Variants in NOC3L observed in about 807,000 individuals in gnomAD.
The protein encoded by NOC3L is NOC3 like DNA replication regulator.
In NOC3L, 85 loss-of-function variants were observed where a neutral mutation model predicts 102.5. That is an observed-to-expected ratio of 0.83 (90% CI 0.70 to 0.99). NOC3L has a LOEUF of 0.99. Ranked by LOEUF, NOC3L falls within the 50% of genes least tolerant of loss-of-function variation. The pLI is 0.00. For missense variants in NOC3L, 878 were observed against 914.9 expected (o/e 0.96, Z 0.52); for synonymous variants, 303 against 309.4 (o/e 0.98, Z 0.22).
chr10:94,357,347 A>T lies in NOC3L; in HGVS notation c.351-16T>A, dbSNP rs986448802. 1.3e-6 allele frequency: 2 copies of T among 1,550,492 alleles called. No homozygotes were observed. Among genetic ancestry groups the T allele is most frequent in the African/African-American group, 2.8e-5 (2 of 71,818 alleles). On this transcript the variant is annotated splice_polypyrimidine_tract_variant and intron_variant, in intron 3 of 20. Coordinates refer to ENST00000371361, the MANE Select transcript of NOC3L (RefSeq NM_022451.11). Reference sequence around the variant, plus strand: ...AACAGGCTCACTGCAGGGGAAAAAAAGATCAATTTTCAGTCTTAATAGATC... The same window carrying T: ...AACAGGCTCACTGCAGGGGAAAAAATGATCAATTTTCAGTCTTAATAGATC...
Position 94,334,115 on chromosome 10 carries a change from T to A in NOC3L, c.*62A>T. 1.3e-6 allele frequency: 1 copy of A among 751,068 alleles called. No homozygotes were observed. The highest frequency in any genetic ancestry group is 1.7e-5 in the South Asian group (1 of 57,816). 46.5% of individuals were successfully genotyped at this position (751,068 alleles called of 1,614,324 possible). Reference sequence around the variant, plus strand: ...AAAGAAAAGATCCTAAGTTAACAACTCATCTTTATGTACATCTGCACACAC... The same window carrying A: ...AAAGAAAAGATCCTAAGTTAACAACACATCTTTATGTACATCTGCACACAC... On this transcript the variant is annotated 3_prime_UTR_variant, in exon 21 of 21. Transcript: ENST00000371361.
At chr10:94,337,143 G>C (rs990366879) in intron 19 of NOC3L, among the ~76,000 whole-genome samples, 3 of 151,908 alleles carry the variant, frequency 2.0e-5, no homozygotes, top group Non-Finnish European at 4.4e-5. Context: ...AAACAGTTCA[G>C]GGAAAAGAAG....
At chr10:94,320,598 G>A in the NOC3L span, among the ~76,000 whole-genome samples, 2 of 152,202 alleles carry the variant, frequency 1.3e-5, no homozygotes, top group African/African-American at 4.8e-5. Context: ...AGCCTGGTCT[G>A]GAGAGATGAG....
At chr10:94,324,150 C>T in the NOC3L span, among the ~76,000 whole-genome samples, 34 of 152,162 alleles carry the variant, frequency 2.2e-4, no homozygotes, top group African/African-American at 7.5e-4. Flanking sequence ...TAGACTGTTG[C>T]AAAGCTAAAT....
At chr10:94,316,784 A>G in the NOC3L span, 1 of 1,509,266 alleles carries the variant, frequency 6.6e-7, no homozygotes, top group Non-Finnish European at 9.2e-7. Flanking sequence ...CAGCCTACAC[A>G]GTAACGACTC....
chr10:94,319,861 GC>G, the NOC3L span, among the ~76,000 whole-genome samples: 1 of 87,572 alleles, frequency 1.1e-5, no homozygotes, highest in African/African-American at 4.0e-5. Context: ...GCTCAAAGGT[GC>G]TCTTTTTTTT....
At chr10:94,354,730 G>A (rs1009637813) in intron 6 of NOC3L, among the ~76,000 whole-genome samples, 6 of 152,088 alleles carry the variant, frequency 3.9e-5, no homozygotes, top group Admixed American at 6.5e-5. Context: ...ATATGAAGAT[G>A]AGGAGAATAA....
Position 94,346,460 on chromosome 10 carries a change from C to A in NOC3L, c.1354G>T (p.Glu452Ter). 1.3e-6 allele frequency: 2 copies of A among 1,513,170 alleles called. No individual in the cohort carries two copies. Among genetic ancestry groups the A allele is most frequent in the South Asian group, 2.6e-5 (2 of 78,286 alleles). 93.7% of individuals were successfully genotyped at this position (1,513,170 alleles called of 1,614,324 possible). A position where few individuals can be genotyped will look rare whatever the true frequency, so the allele number is the denominator to read the frequency against. The change falls in exon 11 of 21, where the codon GAA (glutamate) becomes TAA (stop). Residue 452 changes from glutamate to a stop codon, truncating the protein, a stop_gained. Transcript: ENST00000371361. LOFTEE classifies it high-confidence loss of function. ...ATTCTTGATAGAGATTTTCTCTTTT[C>A]TTTGAAAGTCATAAATTTTTTTGGT... Reference protein sequence around the residue: ...NKPKKFMTFKEKRKSLSRMQR... With the variant: ...NKPKKFMTFK
intron 7 of NOC3L, 150 bp downstream of exon 7, chr10:94,352,746 C>T (rs2054434876): frequency 9.1e-6 from 6 of 659,906 alleles, no homozygotes; most frequent in East Asian, 2.8e-5. Context: ...CACTTGAACC[C>T]GGAAGGCAGA....
chr10:94,358,086 GAAGA>G lies in NOC3L; in HGVS notation c.343_346del (p.Ser115LeufsTer16). The stretch of plus-strand genomic sequence containing the variant: ...TATAACCCAAATGAAGTATTACCTA[GAAGA>G]AAGATCTCTTGTTAGAAAAGATACT... On this transcript the variant is annotated frameshift_variant, in exon 3 of 21. Transcript: ENST00000371361. LOFTEE classifies it high-confidence loss of function. 6.3e-7 allele frequency: 1 copy of G among 1,578,088 alleles called. No homozygotes were observed. The highest frequency in any genetic ancestry group is 1.3e-5 in the African/African-American group (1 of 74,204).
At chr10:94,344,992 G>T in intron 11 of NOC3L, 59 bp from the exon 12 acceptor site, 2 of 1,199,074 alleles carry the variant, frequency 1.7e-6, no homozygotes, top group South Asian at 1.4e-5. Context: ...GAAAAAAGCA[G>T]AGGCAGAATA....
At chr10:94,319,126 A>C in the NOC3L span, among the ~76,000 whole-genome samples, 1 of 152,188 alleles carries the variant, frequency 6.6e-6, no homozygotes, top group Non-Finnish European at 1.5e-5. Flanking sequence ...AAAGGAAGGC[A>C]TTTTGAAGAA....
the NOC3L span, chr10:94,327,911 G>GTGTT: frequency 2.8e-4 from 141 of 505,376 alleles, no homozygotes; most frequent in African/African-American, 2.7e-3. Flanking sequence ...TATACCGCAA[G>GTGTT]TGTTTCTGTT....
At position 94,346,447 on chromosome 10, in the gene NOC3L, G is replaced by C. The variant is rs757516709; in HGVS notation, c.1367C>G (p.Ser456Cys). 2 of 1,507,104 alleles carry C rather than the reference G, an allele frequency of 1.3e-6. No homozygotes were observed. The highest frequency in any genetic ancestry group is 2.3e-5 in the Admixed American group (1 of 42,664). 93.4% of individuals were successfully genotyped at this position (1,507,104 alleles called of 1,614,324 possible). The change falls in exon 11 of 21, where the codon TCT becomes TGT. Residue 456 changes from serine (S) to cysteine (C), a missense_variant. By Grantham distance (112) the Ser-to-Cys change is moderately radical. Transcript: ENST00000371361. Reference protein sequence around the residue: ...KFMTFKEKRKSLSRMQRKWKK... With the variant: ...KFMTFKEKRKCLSRMQRKWKK... ...AACCTTTCTCTGCATTCTTGATAGA[G>C]ATTTTCTCTTTTCTTTGAAAGTCAT...
At chr10:94,357,027 C>T in intron 4 of NOC3L, 147 bp downstream of exon 4, 1 of 544,228 alleles carries the variant, frequency 1.8e-6, no homozygotes, top group Non-Finnish European at 3.0e-6. Context: ...TAATTCTGGC[C>T]CAAATCATCA....
Position 94,346,499 on chromosome 10 carries a change from C to A in NOC3L, c.1315G>T (p.Glu439Ter). Residue 439 changes from glutamate to a stop codon, truncating the protein, a stop_gained, in exon 11 of 21, where the codon GAA (glutamate) becomes TAA (stop). Coordinates refer to ENST00000371361, the MANE Select transcript of NOC3L (RefSeq NM_022451.11). LOFTEE classifies it high-confidence loss of function. Reference sequence around the variant, plus strand: ...AATTTTTTTGGTTTATTAATGTCTTCTGTATCTTTTTTCACTTCTACTTCC... The same window carrying A: ...AATTTTTTTGGTTTATTAATGTCTTATGTATCTTTTTTCACTTCTACTTCC... ...IKEVEVKKDTEDINKPKKFMT... is the reference protein window; with the variant it reads ...IKEVEVKKDT 1 of 1,482,464 alleles carries A rather than the reference C, an allele frequency of 6.7e-7. No individual in the cohort carries two copies. Among genetic ancestry groups the A allele is most frequent in the Non-Finnish European group, 9.1e-7 (1 of 1,101,024 alleles). The allele number at this position is 1,482,464 out of a possible 1,614,324, so 91.8% of individuals were successfully genotyped here.
intron 16 of NOC3L, 54 bp downstream of exon 16, chr10:94,340,222 C>T (rs1488353905): frequency 1.4e-6 from 2 of 1,437,278 alleles, no homozygotes; most frequent in African/African-American, 2.9e-5. Context: ...TGGGTCATAA[C>T]ATATTCTTAA....
rs372892321 is a variant in NOC3L, at chr10:94,349,539, C to T, written c.1129-161G>A. ...GCCAGTAGTTAAGACTCTATCGCCA[C>T]CACAGTCATCACAATCAAAAATGTA... On this transcript the variant is annotated intron_variant, in intron 9 of 20. Transcript: ENST00000371361. Among the ~76,000 whole-genome samples, 19 of 152,250 alleles carry T rather than the reference C, an allele frequency of 1.2e-4. 2 individuals carry two copies. The South Asian group carries it at 3.1e-3, about 25-fold the overall frequency.
chr10:94,361,578 C>A, intron 2 of NOC3L, 87 bp downstream of exon 2: 1 of 1,283,208 alleles, frequency 7.8e-7, no homozygotes, highest in Non-Finnish European at 1.1e-6. Context: ...ACAAGAAAAG[C>A]GATTACTAGA....
Sources: allele counts gnomAD v4.1 joint callset (sites outside exome capture counted in the v4.1 genomes callset), GRCh38; gene constraint gnomAD v4.1.1; transcripts MANE v1.5; gene names NCBI Gene and HGNC (gene_info 2026-07-23, HGNC 2026-07-21).